The following TXK variants were observed in gnomAD, a reference collection of about 807,000 sequenced individuals.
The protein encoded by TXK is tyrosine-protein kinase TXK.
A neutral mutation model predicts 81.0 loss-of-function variants in TXK; 60 were observed. That is an observed-to-expected ratio of 0.74 (90% CI 0.60 to 0.92). TXK has a LOEUF of 0.92. Among genes scored for constraint, TXK ranks in the 40% least tolerant of loss-of-function variants. The pLI, the probability that TXK is intolerant of heterozygous loss-of-function variation, is 0.00. For missense variants in TXK, 581 were observed against 638.3 expected, an observed-to-expected ratio of 0.91 and a Z score of 0.97; for synonymous variants, 203 against 210.7, an observed-to-expected ratio of 0.96 and a Z score of 0.32.
chr4:48,104,961 A>G lies in TXK; in HGVS notation c.447-6T>C. The G allele has an allele frequency of 6.4e-7, 1 of 1,573,380 alleles. No homozygotes were observed. The highest frequency in any genetic ancestry group is 8.6e-7 in the Non-Finnish European group (1 of 1,161,116). On this transcript the variant is annotated splice_region_variant and splice_polypyrimidine_tract_variant and intron_variant, in intron 5 of 14. Transcript: ENST00000264316. ...TAATGTTTCTATGGTACCACCTGTAAAAGCAATAAAAATGATTTTTAAATT... is the reference window on the plus strand; with the variant it reads ...TAATGTTTCTATGGTACCACCTGTAGAAGCAATAAAAATGATTTTTAAATT...
At chr4:48,089,045 CA>C (rs201776797) in intron 9 of TXK, among the ~76,000 whole-genome samples, 12 of 150,372 alleles carry the variant, frequency 8.0e-5, no homozygotes, top group Admixed American at 6.0e-4. Flanking sequence ...CTATTAGAAA[CA>C]AAAAAAAAGA....
At chr4:48,083,475 C>A (rs1433406766) in intron 10 of TXK, among the ~76,000 whole-genome samples, 2 of 152,230 alleles carry the variant, frequency 1.3e-5, no homozygotes, top group Non-Finnish European at 2.9e-5. Context: ...GGGCACATAT[C>A]ATCAGGACCT....
In TXK at chr4:48,114,348, C is replaced by T. The variant is rs757510090; in HGVS notation, c.71G>A (p.Arg24Gln). 7.4e-6 allele frequency: 12 copies of T among 1,613,670 alleles called. No individual in the cohort carries two copies. Among genetic ancestry groups the T allele is most frequent in the South Asian group, 6.6e-5 (6 of 91,060 alleles). The change falls in exon 2 of 15, where the codon CGA becomes CAA. Residue 24 changes from arginine to glutamine, a missense_variant and splice_region_variant. Coordinates refer to ENST00000264316, the MANE Select transcript of TXK (RefSeq NM_003328.3). ...CCCCCCSVQK[R>Q]QMRTQISLST... The stretch of plus-strand genomic sequence containing the variant: ...AAATTGCCCTCGGAAGTAGACTTAC[C>T]GCTTCTGCACTGAACAGCAACAGCA...
chr4:48,134,213 T>C lies in TXK; in HGVS notation c.-43A>G. On this transcript the variant is annotated 5_prime_UTR_variant, in exon 1 of 15. Coordinates refer to ENST00000264316, the MANE Select transcript of TXK (RefSeq NM_003328.3). ...GGAGCACACAACAGTCTTCAGTTCT[T>C]CTGCGGTGCTCTACTCACAAAAACA... 6.2e-7 allele frequency: 1 copy of C among 1,608,600 alleles called. No homozygotes were observed. The highest frequency in any genetic ancestry group is 8.5e-7 in the Non-Finnish European group (1 of 1,177,592).
At chr4:48,090,322 C>G (rs1403396532) in intron 8 of TXK, among the ~76,000 whole-genome samples, 1 of 152,250 alleles carries the variant, frequency 6.6e-6, no homozygotes, top group East Asian at 1.9e-4. Flanking sequence ...AAATTATCAC[C>G]TTATAAAATG....
At chr4:48,073,327 A>G (rs1171846846) in intron 13 of TXK, among the ~76,000 whole-genome samples, 1 of 152,150 alleles carries the variant, frequency 6.6e-6, no homozygotes, top group Non-Finnish European at 1.5e-5. Flanking sequence ...AGATTTTTGC[A>G]TATTTATTAC....
intron 5 of TXK, among the ~76,000 whole-genome samples, chr4:48,107,899 T>TAAA (rs57715867): frequency 1.6e-5 from 2 of 128,796 alleles, no homozygotes; most frequent in Non-Finnish European, 3.1e-5. Context: ...TGTCTCTACT[T>TAAA]AAAAAAAAAA....
intron 13 of TXK, among the ~76,000 whole-genome samples, chr4:48,071,960 T>TTA (rs1553876539): frequency 3.4e-4 from 51 of 150,354 alleles, no homozygotes; most frequent in African/African-American, 1.2e-3. Flanking sequence ...TCTTTTCTTT[T>TTA]TTTTTTTTTT....
chr4:48,097,458 C>A (rs1718025929), intron 6 of TXK, among the ~76,000 whole-genome samples: 1 of 140,452 alleles, frequency 7.1e-6, no homozygotes. Flanking sequence ...CCCACTCTGT[C>A]GCCAGGCTGG....
At chr4:48,133,676 TA>T (rs1719302857) in intron 1 of TXK, among the ~76,000 whole-genome samples, 1 of 152,240 alleles carries the variant, frequency 6.6e-6, no homozygotes, top group African/African-American at 2.4e-5. Context: ...TTTCAGAGTA[TA>T]AACACAGTTG....
intron 1 of TXK, among the ~76,000 whole-genome samples, chr4:48,123,261 A>G (rs1240107872): frequency 6.6e-6 from 1 of 152,204 alleles, no homozygotes; most frequent in African/African-American, 2.4e-5. Flanking sequence ...TCTATGATTG[A>G]TAGCTTTCTA....
intron 10 of TXK, among the ~76,000 whole-genome samples, chr4:48,082,710 C>T (rs1717357625): frequency 6.6e-6 from 1 of 152,124 alleles, no homozygotes; most frequent in African/African-American, 2.4e-5. Context: ...GCCCACCACG[C>T]CCCCTATCCT....
At chr4:48,133,248 C>G (rs540840714) in intron 1 of TXK, among the ~76,000 whole-genome samples, 2 of 150,830 alleles carry the variant, frequency 1.3e-5, no homozygotes, top group Admixed American at 1.3e-4. Flanking sequence ...ATTCTAATTT[C>G]TTTGGATTTA....
chr4:48,106,793 G>GATTTAT (rs1457002878), intron 5 of TXK, among the ~76,000 whole-genome samples: 3 of 151,922 alleles, frequency 2.0e-5, no homozygotes, highest in African/African-American at 7.3e-5. Flanking sequence ...CAATATGTTT[G>GATTTAT]GTATTTAAAA....
chr4:48,069,757 CCTT>C (rs1327571942), intron 14 of TXK, among the ~76,000 whole-genome samples: 12 of 152,160 alleles, frequency 7.9e-5, no homozygotes, highest in African/African-American at 2.7e-4. Flanking sequence ...TTCCCTTCCT[CCTT>C]CTATGTCTCA....
chr4:48,094,180 A>G lies in TXK; in HGVS notation c.606T>C (p.His202=), dbSNP rs1190341632. Residue 202 remains histidine (H), a synonymous_variant, in exon 8 of 15, where the codon CAT becomes CAC. Transcript: ENST00000264316. ...CTGAGTCATTCTTTTTTATCTGATA[A>G]TGTTTTATGGCAGCCTCCGTACTTC... ...ARRSTEAAIK[H]YQIKKNDSGQ... The G allele has an allele frequency of 6.2e-7, 1 of 1,613,752 alleles. No individual in the cohort carries two copies. Among genetic ancestry groups the G allele is most frequent in the South Asian group, 1.1e-5 (1 of 91,064 alleles).
At chr4:48,121,476 G>A (rs1350228157) in intron 1 of TXK, among the ~76,000 whole-genome samples, 1 of 152,092 alleles carries the variant, frequency 6.6e-6, no homozygotes, top group Non-Finnish European at 1.5e-5. Flanking sequence ...GACTTCCCCA[G>A]TGTCCATGGG....
Position 48,086,551 on chromosome 4 carries a change from G to C in TXK, c.871C>G (p.Arg291Gly). ...TTGATAGCTACCTGGATATGTGACC[G>C]CCATTCACCTAAATGGACCACTCCA... ...QFGVVHLGEWRSHIQVAIKAI... is the reference protein window; with the variant it reads ...QFGVVHLGEWGSHIQVAIKAI... The change falls in exon 10 of 15, where the codon CGG becomes GGG. Residue 291 changes from arginine (R) to glycine (G), a missense_variant. Coordinates refer to ENST00000264316, the MANE Select transcript of TXK (RefSeq NM_003328.3). 1 of 1,613,880 alleles carries C rather than the reference G, an allele frequency of 6.2e-7. No individual in the cohort carries two copies. The highest frequency in any genetic ancestry group is 1.1e-5 in the South Asian group (1 of 91,056).
chr4:48,133,192 G>A (rs182540898), intron 1 of TXK, among the ~76,000 whole-genome samples: 9 of 150,802 alleles, frequency 6.0e-5, no homozygotes, highest in East Asian at 5.9e-4. Context: ...CTGATATGAC[G>A]GCTGCCTTCT....
Sources: allele counts gnomAD v4.1 joint callset (sites outside exome capture counted in the v4.1 genomes callset), GRCh38; gene constraint gnomAD v4.1.1; transcripts MANE v1.5; gene names NCBI Gene and HGNC (gene_info 2026-07-23, HGNC 2026-07-21).